PHOSPHO2: variants seen among roughly 807,000 people sequenced by gnomAD.
The protein encoded by PHOSPHO2 is phosphatase, orphan 2, also known as pyridoxal phosphate phosphatase PHOSPHO2.
In PHOSPHO2, 14 loss-of-function variants were observed where a neutral mutation model predicts 16.4. The observed-to-expected ratio is 0.85, with a 90% CI of 0.56 to 1.33. The LOEUF (loss-of-function observed/expected upper bound fraction) is 1.33, where lower values mean the gene tolerates loss of function less well. Ranked by LOEUF, PHOSPHO2 falls within the 40% of genes most tolerant of loss-of-function variation. The pLI is 0.00. For synonymous variants in PHOSPHO2, 85 were observed against 90.5 expected, an observed-to-expected ratio of 0.94 and a Z score of 0.34; for missense variants, 246 against 282.5, an observed-to-expected ratio of 0.87 and a Z score of 0.93.
Position 169,701,168 on chromosome 2 carries a change from A to G in PHOSPHO2, c.197A>G (p.Lys66Arg), listed in dbSNP as rs779530613. Residue 66 changes from lysine (K) to arginine (R), a missense_variant, in exon 4 of 4, where the codon AAA becomes AGA. Physicochemically the swap from Lys to Arg is conservative, Grantham distance 26. Coordinates refer to ENST00000359744, the MANE Select transcript of PHOSPHO2 (RefSeq NM_001008489.4). Reference protein sequence around the residue: ...GDKGVREHEMKRAVTSLPFTP... With the variant: ...GDKGVREHEMRRAVTSLPFTP... ...AAGGGTGTAAGAGAACATGAAATGA[A>G]AAGAGCAGTGACATCATTGCCTTTC... 18 of 1,613,942 alleles carry G rather than the reference A, an allele frequency of 1.1e-5. No individual in the cohort carries two copies. Among genetic ancestry groups the G allele is most frequent in the African/African-American group, 1.3e-5 (1 of 74,936 alleles).
At chr2:169,695,697 C>T (rs886216201) in intron 2 of PHOSPHO2, among the ~76,000 whole-genome samples, 5 of 152,024 alleles carry the variant, frequency 3.3e-5, no homozygotes, top group Admixed American at 6.5e-5. Flanking sequence ...TGTTTGCAGG[C>T]TAACTTAGCC....
At chr2:169,696,347 A>ACC (rs1278925696) in intron 2 of PHOSPHO2, among the ~76,000 whole-genome samples, 8 of 152,266 alleles carry the variant, frequency 5.3e-5, no homozygotes, top group African/African-American at 1.7e-4. Context: ...AAAAGTGTGA[A>ACC]CTACGGTTGA....
intron 3 of PHOSPHO2, among the ~76,000 whole-genome samples, chr2:169,699,746 T>C (rs542394211): frequency 4.3e-4 from 66 of 152,318 alleles, no homozygotes; most frequent in African/African-American, 1.6e-3. Flanking sequence ...TGGTATCTCG[T>C]TGTGGCTTTA....
Position 169,699,425 on chromosome 2 carries a change from G to A in PHOSPHO2, c.-26-1521G>A, listed in dbSNP as rs552702575. The stretch of plus-strand genomic sequence containing the variant: ...CATTTTCTTTATCCAGTCTGTCATT[G>A]ATGGGCATTTAGGTTGATCCCATGT... On this transcript the variant is annotated intron_variant, in intron 3 of 3. Transcript: ENST00000359744. 7.9e-5 allele frequency among the ~76,000 whole-genome samples: 12 copies of A among 152,248 alleles called. No individual in the cohort carries two copies. In the South Asian group the frequency reaches 2.5e-3, roughly 32 times the overall value.
At chr2:169,699,198 A>T (rs1051996734) in intron 3 of PHOSPHO2, among the ~76,000 whole-genome samples, 5 of 108,912 alleles carry the variant, frequency 4.6e-5, no homozygotes, top group African/African-American at 1.9e-4. Flanking sequence ...GACAGGTCCC[A>T]GGGTATGTTA....
In PHOSPHO2 at chr2:169,701,126, T is replaced by C. The variant is rs1252199048; in HGVS notation, c.155T>C (p.Phe52Ser). 2.5e-6 allele frequency: 4 copies of C among 1,613,922 alleles called. No homozygotes were observed. In the South Asian group the frequency reaches 4.4e-5, roughly 18 times the overall value. Residue 52 changes from phenylalanine (F) to serine (S), a missense_variant, in exon 4 of 4, where the codon TTT (phenylalanine) becomes TCT (serine). Coordinates refer to ENST00000359744, the MANE Select transcript of PHOSPHO2 (RefSeq NM_001008489.4). Reference sequence around the variant, plus strand: ...TGGACAGAATTTATGGGCAGAGTCTTTAAGTATTTGGGAGATAAGGGTGTA... The same window carrying C: ...TGGACAGAATTTATGGGCAGAGTCTCTAAGTATTTGGGAGATAAGGGTGTA... ...GFWTEFMGRV[F>S]KYLGDKGVRE...
chr2:169,701,278 G>A lies in PHOSPHO2; in HGVS notation c.307G>A (p.Val103Ile), dbSNP rs1166801499. 1 of 1,613,396 alleles carries A rather than the reference G, an allele frequency of 6.2e-7. No homozygotes were observed. The highest frequency in any genetic ancestry group is 2.2e-5 in the East Asian group (1 of 44,842). The change falls in exon 4 of 4, where the codon GTC (valine) becomes ATC (isoleucine). Residue 103 changes from valine to isoleucine, a missense_variant. Val to Ile is a conservative substitution (Grantham distance 29). Transcript: ENST00000359744. The stretch of plus-strand genomic sequence containing the variant: ...CATTATTATTTCAGATTCAAATTCG[G>A]TCTTCATAGATTGGGTTTTAGAAGC... Reference protein sequence around the residue: ...DCIIISDSNSVFIDWVLEAAS... With the variant: ...DCIIISDSNSIFIDWVLEAAS...
At chr2:169,696,870 C>T (rs1027080122) in intron 2 of PHOSPHO2, among the ~76,000 whole-genome samples, 6 of 152,138 alleles carry the variant, frequency 3.9e-5, no homozygotes, top group Non-Finnish European at 8.8e-5. Flanking sequence ...CTGATTTTAT[C>T]CACTGGACAA....
chr2:169,695,766 T>A (rs1301347769), intron 2 of PHOSPHO2, among the ~76,000 whole-genome samples: 1 of 152,144 alleles, frequency 6.6e-6, no homozygotes, highest in Non-Finnish European at 1.5e-5. Context: ...CTCCCAGCAG[T>A]AGCCAGTAAA....
intron 2 of PHOSPHO2, among the ~76,000 whole-genome samples, chr2:169,697,114 C>A (rs1041604497): frequency 2.0e-5 from 3 of 151,758 alleles, no homozygotes; most frequent in African/African-American, 7.3e-5. Flanking sequence ...CTCCCAGGTT[C>A]ATACCATTCT....
At chr2:169,700,340 T>C (rs1486564128) in intron 3 of PHOSPHO2, among the ~76,000 whole-genome samples, 2 of 152,192 alleles carry the variant, frequency 1.3e-5, no homozygotes, top group Non-Finnish European at 2.9e-5. Context: ...CACTTAAGTC[T>C]TTAATCCACC....
At position 169,701,171 on chromosome 2, in the gene PHOSPHO2, G is replaced by A. The variant is rs570994333; in HGVS notation, c.200G>A (p.Arg67Lys). 2 of 1,614,006 alleles carry A rather than the reference G, an allele frequency of 1.2e-6. No individual in the cohort carries two copies. The highest frequency in any genetic ancestry group is 1.1e-5 in the South Asian group (1 of 91,076). ...GGTGTAAGAGAACATGAAATGAAAA[G>A]AGCAGTGACATCATTGCCTTTCACT... The part of the protein sequence containing the change: ...DKGVREHEMK[R>K]AVTSLPFTPG... The change falls in exon 4 of 4, where the codon AGA (arginine) becomes AAA (lysine). Residue 67 changes from arginine (R) to lysine (K), a missense_variant. Transcript: ENST00000359744.
Position 169,694,618 on chromosome 2 carries a change from A to C in PHOSPHO2, c.-235A>C, listed in dbSNP as rs1379611359. On this transcript the variant is annotated 5_prime_UTR_variant, in exon 1 of 4. Transcript: ENST00000359744. ...CGCCGGGGCGGCTGCCGACGGCGGG[A>C]CTGGGTCAGTGAGAAGCCCGTGGGC... The C allele has an allele frequency of 7.6e-6, 4 of 527,074 alleles. No individual in the cohort carries two copies. Among genetic ancestry groups the C allele is most frequent in the Non-Finnish European group, 1.4e-5 (4 of 289,980 alleles). The allele number at this position is 527,074 out of a possible 1,614,324, so 32.6% of individuals were successfully genotyped here.
intron 3 of PHOSPHO2, among the ~76,000 whole-genome samples, chr2:169,698,527 T>C (rs1472070962): frequency 6.6e-6 from 1 of 152,210 alleles, no homozygotes; most frequent in Non-Finnish European, 1.5e-5. Flanking sequence ...GACAATTAAA[T>C]GGTATGATAT....
chr2:169,701,204 T>A lies in PHOSPHO2; in HGVS notation c.233T>A (p.Met78Lys), dbSNP rs776092887. 3.1e-6 allele frequency: 5 copies of A among 1,614,038 alleles called. No individual in the cohort carries two copies. The highest frequency in any genetic ancestry group is 4.2e-6 in the Non-Finnish European group (5 of 1,179,970). Reference sequence around the variant, plus strand: ...ACATCATTGCCTTTCACTCCAGGGATGGTGGAACTCTTCAACTTTATAAGA... The same window carrying A: ...ACATCATTGCCTTTCACTCCAGGGAAGGTGGAACTCTTCAACTTTATAAGA... Reference protein sequence around the residue: ...AVTSLPFTPGMVELFNFIRKN... With the variant: ...AVTSLPFTPGKVELFNFIRKN... Residue 78 changes from methionine to lysine, a missense_variant, in exon 4 of 4, where the codon ATG becomes AAG. Met to Lys is a moderately conservative substitution (Grantham distance 95). Transcript: ENST00000359744.
intron 3 of PHOSPHO2, chr2:169,698,332 CTAA>C (rs1309011459): frequency 1.3e-5 from 2 of 152,102 alleles, no homozygotes; most frequent in Non-Finnish European, 1.5e-5. Flanking sequence ...TATTTTTAAA[CTAA>C]TGAGTAGTCA....
chr2:169,696,379 G>A (rs1011508911), intron 2 of PHOSPHO2, among the ~76,000 whole-genome samples: 1 of 152,208 alleles, frequency 6.6e-6, no homozygotes, highest in African/African-American at 2.4e-5. Flanking sequence ...CCATCCCACT[G>A]CACATGTAAA....
intron 2 of PHOSPHO2, among the ~76,000 whole-genome samples, chr2:169,696,808 T>C (rs1442826252): frequency 6.6e-6 from 1 of 152,202 alleles, no homozygotes; most frequent in Non-Finnish European, 1.5e-5. Context: ...TCCTCTATTA[T>C]TAAACAAGTA....
chr2:169,696,256 A>T (rs567881013), intron 2 of PHOSPHO2, among the ~76,000 whole-genome samples: 1 of 152,332 alleles, frequency 6.6e-6, no homozygotes, highest in South Asian at 2.1e-4. Flanking sequence ...GAATTTAATA[A>T]GGTAGCATAT....
Sources: allele counts gnomAD v4.1 joint callset (sites outside exome capture counted in the v4.1 genomes callset), GRCh38; gene constraint gnomAD v4.1.1; transcripts MANE v1.5; gene names NCBI Gene and HGNC (gene_info 2026-07-23, HGNC 2026-07-21).